TMEM201: variants seen among roughly 807,000 people sequenced by gnomAD.
TMEM201 encodes transmembrane protein 201.
In TMEM201, 26 loss-of-function variants were observed where a neutral mutation model predicts 63.4. The observed-to-expected ratio is 0.41, with a 90% confidence interval of 0.30 to 0.57. The LOEUF is 0.57. Among genes scored for constraint, TMEM201 ranks in the 20% least tolerant of loss-of-function variants. TMEM201 has a pLI of 0.29. For missense variants in TMEM201, 794 were observed against 917.7 expected (o/e 0.87, Z 1.74); for synonymous variants, 417 against 421.6 (o/e 0.99, Z 0.14).
Position 9,607,666 on chromosome 1 carries a change from A to G in TMEM201, c.1270A>G (p.Ser424Gly). ...GTCTCTGTTCATCCCCAGCCCGCCC[A>G]GCTTCCTGCCCCTCGCCAACCAGCA... ...PASLFIPSPP[S>G]FLPLANQQLF... is the part of the protein sequence containing the mutation. The change falls in exon 7 of 11, where the codon AGC (serine) becomes GGC (glycine). Residue 424 changes from serine to glycine, a missense_variant. Ser to Gly is a moderately conservative substitution (Grantham distance 56, BLOSUM62 0). Coordinates refer to ENST00000340381, the MANE Select transcript of TMEM201 (RefSeq NM_001130924.3). The surrounding 1 kb of genome is among the most constrained non-coding windows in gnomAD (Gnocchi z 5.4). 6.4e-7 allele frequency: 1 copy of G among 1,551,726 alleles called. No homozygotes were observed. The highest frequency in any genetic ancestry group is 8.7e-7 in the Non-Finnish European group (1 of 1,147,038).
Position 9,607,556 on chromosome 1 carries a change from G to A in TMEM201, c.1161-1G>A, listed in dbSNP as rs536802939. 1 of 1,546,846 alleles carries A rather than the reference G, an allele frequency of 6.5e-7. No individual in the cohort carries two copies. The highest frequency in any genetic ancestry group is 8.7e-7 in the Non-Finnish European group (1 of 1,144,366). Reference sequence around the variant, plus strand: ...GTCCCGTGCCTGACGGGCCCTTGCAGGTTCTTCCCAGGAGACTCTGCCGGC... The same window carrying A: ...GTCCCGTGCCTGACGGGCCCTTGCAAGTTCTTCCCAGGAGACTCTGCCGGC... On this transcript the variant is annotated splice_acceptor_variant, in intron 6 of 10. Transcript: ENST00000340381. LOFTEE classifies it high-confidence loss of function. The surrounding 1 kb of genome is among the most constrained non-coding windows in gnomAD (Gnocchi z 5.4).
Position 9,607,574 on chromosome 1 carries a change from C to G in TMEM201, c.1178C>G (p.Ser393Cys). The G allele has an allele frequency of 6.4e-7, 1 of 1,550,444 alleles. No homozygotes were observed. The highest frequency in any genetic ancestry group is 8.7e-7 in the Non-Finnish European group (1 of 1,146,402). ...FRPRRFFPGD[S>C]AGLFPTSPSL... is the part of the protein sequence containing the mutation. ...CCTTGCAGGTTCTTCCCAGGAGACTCTGCCGGCCTTTTCCCCACCAGCCCC... is the reference window on the plus strand; with the variant it reads ...CCTTGCAGGTTCTTCCCAGGAGACTGTGCCGGCCTTTTCCCCACCAGCCCC... Residue 393 changes from serine to cysteine, a missense_variant, in exon 7 of 11, where the codon TCT becomes TGT. Physicochemically the swap from Ser to Cys is moderately radical, Grantham distance 112. Transcript: ENST00000340381. The surrounding 1 kb of genome is among the most constrained non-coding windows in gnomAD (Gnocchi z 5.4).
intron 4 of TMEM201, among the ~76,000 whole-genome samples, chr1:9,600,806 G>A (rs1205728650): frequency 6.6e-6 from 1 of 152,078 alleles, no homozygotes; most frequent in East Asian, 1.9e-4. Context: ...TGTAATCCCA[G>A]CTGCTGCGGA....
intron 10 of TMEM201, 124 bp downstream of exon 10, chr1:9,612,014 G>A (rs992639957): frequency 2.7e-5 from 32 of 1,181,522 alleles, no homozygotes; most frequent in African/African-American, 6.2e-5. Flanking sequence ...CTGAGTGGCC[G>A]ACAAGTAACC....
At chr1:9,601,053 G>A (rs1044742940) in intron 4 of TMEM201, 52 bp from the exon 5 acceptor site, 2 of 1,483,048 alleles carry the variant, frequency 1.3e-6, no homozygotes, top group African/African-American at 1.4e-5. Context: ...GGTGATGGCT[G>A]GGGGTGGCTC....
rs1644277753 is a variant in TMEM201, at chr1:9,608,480, T to C, written c.1393+691T>C. 6.6e-6 allele frequency among the ~76,000 whole-genome samples: 1 copy of C among 152,156 alleles called. No individual in the cohort carries two copies. Among genetic ancestry groups the C allele is most frequent in the South Asian group, 2.1e-4 (1 of 4,830 alleles). On this transcript the variant is annotated intron_variant, in intron 7 of 10. Coordinates refer to ENST00000340381, the MANE Select transcript of TMEM201 (RefSeq NM_001130924.3). This position sits in a 1 kb window ranked among gnomAD's most constrained non-coding sequence, Gnocchi z 4.3. ...TCTCGTGCAGTTACAGGGCAGGCCA[T>C]TTTGTACACACGCCAAGGTTTATAT...
At chr1:9,601,873 C>A (rs1644149637) in intron 5 of TMEM201, among the ~76,000 whole-genome samples, 196 bp from the exon 6 acceptor site, 1 of 152,184 alleles carries the variant, frequency 6.6e-6, no homozygotes, top group African/African-American at 2.4e-5. Context: ...CTAGAACTTA[C>A]AGGCTGAGGA....
intron 1 of TMEM201, among the ~76,000 whole-genome samples, chr1:9,595,048 C>T (rs1643991682): frequency 6.6e-6 from 1 of 152,190 alleles, no homozygotes; most frequent in Non-Finnish European, 1.5e-5. Context: ...AAGCCGGGGC[C>T]CCAGGGCTCC....
At chr1:9,601,967 T>A (rs1644151077) in intron 5 of TMEM201, 102 bp from the exon 6 acceptor site, 2 of 1,370,176 alleles carry the variant, frequency 1.5e-6, no homozygotes, top group African/African-American at 2.9e-5. Context: ...GGCTCTGGAC[T>A]CTTCTGAGCA....
In TMEM201 at chr1:9,613,899, T is replaced by G. The variant is rs1046662921; in HGVS notation, c.*816T>G. 1.3e-5 allele frequency: 2 copies of G among 152,276 alleles called. No homozygotes were observed. Among genetic ancestry groups the G allele is most frequent in the African/African-American group, 4.8e-5 (2 of 41,424 alleles). The allele number at this position is 152,276 out of a possible 1,614,324, so 9.4% of individuals were successfully genotyped here. A position where few individuals can be genotyped will look rare whatever the true frequency, so the allele number is the denominator to read the frequency against. On this transcript the variant is annotated 3_prime_UTR_variant, in exon 11 of 11. Transcript: ENST00000340381. ...GGGGCCTTCAGATCTCAGATGAGAC[T>G]GCACCCCTTCGACCACCCTACTGGG...
Position 9,596,861 on chromosome 1 carries a change from CG to C in TMEM201, c.239del (p.Gly80AlafsTer15). The C allele has an allele frequency of 6.3e-7, 1 of 1,584,046 alleles. No homozygotes were observed. The highest frequency in any genetic ancestry group is 8.6e-7 in the Non-Finnish European group (1 of 1,157,546). On this transcript the variant is annotated frameshift_variant, in exon 3 of 11. Transcript: ENST00000340381. LOFTEE classifies it high-confidence loss of function. ...CGAGTCCCACCTCTCTCCCGCAGAA[CG>C]GCGACTACAACAAGCCGATCCCCGC... ...CEQYNGFQEN[G>X]DYNKPIPAQY...
Position 9,611,815 on chromosome 1 carries a change from G to A in TMEM201, c.1828G>A (p.Asp610Asn), listed in dbSNP as rs925854805. The A allele has an allele frequency of 1.0e-5, 16 of 1,550,918 alleles. No homozygotes were observed. The highest frequency in any genetic ancestry group is 1.4e-5 in the African/African-American group (1 of 73,020). Residue 610 changes from aspartate to asparagine, a missense_variant, in exon 10 of 11, where the codon GAC (aspartate) becomes AAC (asparagine). Physicochemically the swap from Asp to Asn is conservative, Grantham distance 23. Transcript: ENST00000340381. ...CSNRSIKKEDDSSQSSTCVVD... is the reference protein window; with the variant it reads ...CSNRSIKKEDNSSQSSTCVVD... ...CAACCGCTCCATCAAGAAAGAGGACGACTCTTCCCAGTCATCTACCTGTGT... is the reference window on the plus strand; with the variant it reads ...CAACCGCTCCATCAAGAAAGAGGACAACTCTTCCCAGTCATCTACCTGTGT...
chr1:9,609,773 G>A (rs1415149759), intron 7 of TMEM201, 67 bp from the exon 8 acceptor site: 3 of 1,453,802 alleles, frequency 2.1e-6, no homozygotes, highest in Non-Finnish European at 2.8e-6. Context: ...TTTCGGCAGA[G>A]CATTTGTGGG....
Position 9,613,035 on chromosome 1 carries a change from C to T in TMEM201, c.1953C>T (p.Ala651=), listed in dbSNP as rs1644346048. The part of the protein sequence containing the change: ...LVRGLLAVSL[A]ANALFTSVFL... ...GGGGCCTCCTGGCCGTGAGCTTGGC[C>T]GCCAACGCCCTGTTCACCTCGGTGT... Residue 651 remains alanine (A), a synonymous_variant, in exon 11 of 11, where the codon GCC becomes GCT. Transcript: ENST00000340381. 1.5e-5 allele frequency: 23 copies of T among 1,551,516 alleles called. No individual in the cohort carries two copies. The highest frequency in any genetic ancestry group is 1.9e-5 in the Non-Finnish European group (22 of 1,147,008).
chr1:9,596,833 C>T, intron 2 of TMEM201, 26 bp from the exon 3 acceptor site: 1 of 1,559,708 alleles, frequency 6.4e-7, no homozygotes, highest in Non-Finnish European at 8.7e-7. Context: ...GGCCTGCCTG[C>T]CTCGAGTCCC....
intron 5 of TMEM201, 142 bp from the exon 6 acceptor site, chr1:9,601,927 T>C: frequency 1.0e-6 from 1 of 977,406 alleles, no homozygotes; most frequent in Non-Finnish European, 1.5e-6. Flanking sequence ...CGTGTGAGTG[T>C]GAGGGGATTC....
At chr1:9,609,807 C>T (rs1317629838) in intron 7 of TMEM201, 33 bp from the exon 8 acceptor site, 1 of 1,546,656 alleles carries the variant, frequency 6.5e-7, no homozygotes, top group Non-Finnish European at 8.7e-7. Flanking sequence ...CATCCACAGG[C>T]CTGACGTGTC....
In TMEM201 at chr1:9,595,940, C is replaced by T. The variant is rs759038883; in HGVS notation, c.164C>T (p.Thr55Met). The change falls in exon 2 of 11, where the codon ACG becomes ATG. Residue 55 changes from threonine to methionine, a missense_variant. Thr to Met is a moderately conservative substitution (Grantham distance 81). Coordinates refer to ENST00000340381, the MANE Select transcript of TMEM201 (RefSeq NM_001130924.3). ...AACTGCTGGTTCTGCAACCAGGATA[C>T]GCTGGTGCCCTATGGGAACCGCAAC... The part of the protein sequence containing the change: ...MVNCWFCNQD[T>M]LVPYGNRNCW... The T allele has an allele frequency of 2.9e-5, 47 of 1,613,672 alleles. No homozygotes were observed. Among genetic ancestry groups the T allele is most frequent in the Non-Finnish European group, 3.7e-5 (44 of 1,180,006 alleles).
intron 4 of TMEM201, among the ~76,000 whole-genome samples, chr1:9,599,363 T>G (rs2100480890): frequency 6.6e-6 from 1 of 151,994 alleles, no homozygotes; most frequent in South Asian, 2.1e-4. Context: ...TTTTCCTGCC[T>G]CAGCCTCCTG....
Sources: allele counts gnomAD v4.1 joint callset (sites outside exome capture counted in the v4.1 genomes callset), GRCh38; gene constraint gnomAD v4.1.1; non-coding constraint Gnocchi (gnomAD v3.1); transcripts MANE v1.5; gene names NCBI Gene and HGNC (gene_info 2026-07-23, HGNC 2026-07-21).